Variants in FLACC1 observed in about 807,000 individuals in gnomAD.
FLACC1 encodes flagellum-associated coiled-coil domain-containing protein 1.
Under a neutral mutation model 62.8 loss-of-function variants are expected in FLACC1, and 66 were observed. The observed-to-expected ratio is 1.05, with a 90% confidence interval of 0.86 to 1.29. The LOEUF (loss-of-function observed/expected upper bound fraction) is 1.29, where lower values mean the gene tolerates loss of function less well. Ranked by LOEUF, FLACC1 falls within the 50% of genes most tolerant of loss-of-function variation. The pLI, the probability that FLACC1 is intolerant of heterozygous loss-of-function variation, is 0.00. For missense variants in FLACC1, 452 were observed against 489.1 expected, an observed-to-expected ratio of 0.92 and a Z score of 0.71; for synonymous variants, 156 against 161.0, an observed-to-expected ratio of 0.97 and a Z score of 0.24.
intron 12 of FLACC1, among the ~76,000 whole-genome samples, chr2:201,291,987 G>A (rs1291296267): frequency 1.3e-5 from 2 of 152,106 alleles, no homozygotes; most frequent in Non-Finnish European, 2.9e-5. Context: ...AAAAGAATAA[G>A]AAGAAATGAA....
At chr2:201,356,718 T>A (rs6737085) in intron 1 of FLACC1, among the ~76,000 whole-genome samples, 96,576 of 152,058 alleles carry the variant, frequency 0.64, 31,342 homozygotes, top group South Asian at 0.79. Flanking sequence ...GATATCTAGT[T>A]GATATTTCCA....
chr2:201,303,152 GA>G (rs1219076627), intron 11 of FLACC1, among the ~76,000 whole-genome samples: 1 of 151,766 alleles, frequency 6.6e-6, no homozygotes, highest in Non-Finnish European at 1.5e-5. Flanking sequence ...CTGGTTTTTT[GA>G]AAAGATCAAC....
chr2:201,351,592 A>G, intron 1 of FLACC1, 141 bp from the exon 2 acceptor site: 1 of 590,190 alleles, frequency 1.7e-6, no homozygotes, highest in South Asian at 2.1e-5. Flanking sequence ...GGTCTTGACT[A>G]TAGGTTAACA....
At chr2:201,360,524 A>T (rs1576492126), upstream of FLACC1, among the ~76,000 whole-genome samples, 3 of 152,264 alleles carry the variant, frequency 2.0e-5, no homozygotes, top group East Asian at 5.8e-4. Flanking sequence ...GTGTTCTCTT[A>T]AGAAGCTTGT....
intron 2 of FLACC1, 143 bp downstream of exon 2, chr2:201,351,149 C>G: frequency 2.7e-6 from 2 of 727,488 alleles, no homozygotes; most frequent in Non-Finnish European, 4.6e-6. Context: ...AACCAGCTGG[C>G]AGGGAAGCTG....
At chr2:201,336,224 T>C (rs1295382576) in intron 7 of FLACC1, among the ~76,000 whole-genome samples, 1 of 152,150 alleles carries the variant, frequency 6.6e-6, no homozygotes, top group African/African-American at 2.4e-5. Context: ...GTGTACACAA[T>C]GTTTAGCTCC....
At chr2:201,293,502 C>T (rs948069793) in intron 12 of FLACC1, among the ~76,000 whole-genome samples, 4 of 152,224 alleles carry the variant, frequency 2.6e-5, no homozygotes, top group Non-Finnish European at 2.9e-5. Flanking sequence ...ATACCAGAAT[C>T]TCTGGGACAC....
upstream of FLACC1, among the ~76,000 whole-genome samples, chr2:201,359,729 G>A (rs557545758): frequency 6.6e-5 from 10 of 152,188 alleles, no homozygotes; most frequent in East Asian, 3.9e-4. Context: ...GGAGGGAAGC[G>A]TCTTGGTTGC....
At chr2:201,303,034 G>C (rs1186050150) in intron 11 of FLACC1, among the ~76,000 whole-genome samples, 1 of 149,946 alleles carries the variant, frequency 6.7e-6, no homozygotes, top group Non-Finnish European at 1.5e-5. Context: ...GACAAGCAAG[G>C]GCAAACACAT....
intron 11 of FLACC1, among the ~76,000 whole-genome samples, chr2:201,305,931 TTGTGG>T (rs1161921063): frequency 8.2e-6 from 1 of 122,358 alleles, no homozygotes; most frequent in East Asian, 2.9e-4. Context: ...CCAGGGCCAG[TTGTGG>T]GGTGGGGGGA....
intron 12 of FLACC1, among the ~76,000 whole-genome samples, chr2:201,294,055 A>G (rs1157176331): frequency 2.0e-5 from 3 of 152,234 alleles, no homozygotes; most frequent in Non-Finnish European, 4.4e-5. Context: ...AAAAAAGTCC[A>G]GGACCAGATG....
intron 3 of FLACC1, 102 bp from the exon 4 acceptor site, chr2:201,348,404 T>C (rs1950960851): frequency 8.4e-7 from 1 of 1,196,028 alleles, no homozygotes; most frequent in African/African-American, 1.5e-5. Flanking sequence ...TTCTGCTCTC[T>C]GACCTGACCT....
At chr2:201,361,702 T>C (rs1951187385), upstream of FLACC1, among the ~76,000 whole-genome samples, 1 of 152,224 alleles carries the variant, frequency 6.6e-6, no homozygotes, top group Non-Finnish European at 1.5e-5. Flanking sequence ...TTATATGAAA[T>C]TAAAATACTC....
At chr2:201,298,937 C>G (rs1445622612) in intron 12 of FLACC1, among the ~76,000 whole-genome samples, 1 of 152,192 alleles carries the variant, frequency 6.6e-6, no homozygotes, top group Non-Finnish European at 1.5e-5. Context: ...TGTTTTATAA[C>G]TGAAAGATCA....
chr2:201,289,726 G>A lies in FLACC1; in HGVS notation c.1002C>T (p.Leu334=). 6.2e-7 allele frequency: 1 copy of A among 1,614,146 alleles called. No homozygotes were observed. Among genetic ancestry groups the A allele is most frequent in the Non-Finnish European group, 8.5e-7 (1 of 1,180,004 alleles). ...ALILESLNTN[L]YYTQLELQKE... is the part of the protein sequence containing the mutation. ...TCTGGAGTTCCAACTGGGTATAGTA[G>A]AGGTTTGTGTTCAGTGACTCTAGGA... The change falls in exon 13 of 15, where the codon CTC becomes CTT. Residue 334 remains leucine, a synonymous_variant. Transcript: ENST00000392257.
chr2:201,291,492 A>G (rs1452658302), intron 12 of FLACC1, among the ~76,000 whole-genome samples: 1 of 152,222 alleles, frequency 6.6e-6, no homozygotes, highest in Non-Finnish European at 1.5e-5. Flanking sequence ...AAACTAACAA[A>G]CAGAAAGGAT....
rs762700802 is a variant in FLACC1 at position 201,346,665 on chromosome 2, T to C, written c.245A>G (p.Asn82Ser). The change falls in exon 5 of 15, where the codon AAC (asparagine) becomes AGC (serine). Residue 82 changes from asparagine (N) to serine (S), a missense_variant. Physicochemically the swap from Asn to Ser is conservative, Grantham distance 46. Transcript: ENST00000392257. This position sits in a 1 kb window ranked among gnomAD's most constrained non-coding sequence, Gnocchi z 4.0. ...ETNKSFYEVINVSPGYQLVRN... is the reference protein window; with the variant it reads ...ETNKSFYEVISVSPGYQLVRN... ...AACAAGTTGATAGCCAGGTGACACG[T>C]TGATCACTTCCTAGGCATCAAGGGA... 5.6e-6 allele frequency: 9 copies of C among 1,614,102 alleles called. No individual in the cohort carries two copies. Among genetic ancestry groups the C allele is most frequent in the African/African-American group, 1.3e-5 (1 of 74,948 alleles).
intron 3 of FLACC1, among the ~76,000 whole-genome samples, chr2:201,348,744 A>G (rs145712730): frequency 1.2e-4 from 18 of 152,290 alleles, no homozygotes; most frequent in African/African-American, 4.1e-4. Context: ...AGAAAATGAA[A>G]TGTATCCCAT....
chr2:201,351,468 A>G lies in FLACC1; in HGVS notation c.-47-17T>C, dbSNP rs947718396. On this transcript the variant is annotated splice_polypyrimidine_tract_variant and intron_variant, in intron 1 of 14. Transcript: ENST00000392257. ...AGGCTCTTGCTGAAATTGAAAAACA[A>G]CAGCAGAAGGTTAAACCATTTAGAA... 1.6e-6 allele frequency: 2 copies of G among 1,242,074 alleles called. No homozygotes were observed. The highest frequency in any genetic ancestry group is 1.8e-5 in the Admixed American group (1 of 54,864). 76.9% of individuals were successfully genotyped at this position (1,242,074 alleles called of 1,614,324 possible).
Sources: gnomAD v4.1 joint callset for allele counts (sites outside exome capture counted in the v4.1 genomes callset) on GRCh38, gnomAD v4.1.1 for gene constraint, Gnocchi (gnomAD v3.1) non-coding constraint, MANE v1.5 for transcripts, NCBI Gene and HGNC (gene_info 2026-07-23, HGNC 2026-07-21) for gene names.